HIVEP3: variants seen among roughly 807,000 people sequenced by gnomAD.
HIVEP3 encodes transcription factor HIVEP3.
A neutral mutation model predicts 152.8 loss-of-function variants in HIVEP3; 49 were observed. The observed-to-expected ratio is 0.32, with a 90% CI of 0.26 to 0.41. The LOEUF is 0.41. HIVEP3 is among the 10% of genes least tolerant of loss of function. The pLI, the probability that HIVEP3 is intolerant of heterozygous loss-of-function variation, is 1.00. For synonymous variants in HIVEP3, 1,269 were observed against 1,289.0 expected, an observed-to-expected ratio of 0.98 and a Z score of 0.33; for missense variants, 2,790 against 3,103.3, an observed-to-expected ratio of 0.90 and a Z score of 2.40.
intron 1 of HIVEP3, among the ~76,000 whole-genome samples, chr1:41,773,909 T>C (rs1648528982): frequency 6.6e-6 from 1 of 152,208 alleles, no homozygotes; most frequent in Admixed American, 6.5e-5. Flanking sequence ...GAAGGACAAG[T>C]CTTTGTGAAT....
chr1:41,902,470 C>T (rs1259057243), intron 1 of HIVEP3, among the ~76,000 whole-genome samples: 1 of 152,144 alleles, frequency 6.6e-6, no homozygotes, highest in Non-Finnish European at 1.5e-5. Context: ...ACCCCCACCC[C>T]CCACTGCCAG....
intron 5 of HIVEP3, among the ~76,000 whole-genome samples, chr1:41,528,191 TCA>T (rs548952747): frequency 1.8e-3 from 131 of 74,076 alleles, no homozygotes; most frequent in African/African-American, 6.7e-3. Context: ...ACCCTCACCT[TCA>T]CACACCCCTG....
Position 41,539,913 on chromosome 1 carries a change from G to A in HIVEP3, c.5208-15003C>T, listed in dbSNP as rs374794437. ...AGGCACTTTTTACAGAAATTATATC[G>A]TAGAAACCTTGGTACAATTCTATGA... On this transcript the variant is annotated intron_variant, in intron 5 of 8. Transcript: ENST00000372583. 2.4e-4 allele frequency among the ~76,000 whole-genome samples: 37 copies of A among 152,292 alleles called. No individual in the cohort carries two copies. The East Asian group carries it at 4.2e-3, about 17-fold the overall frequency.
intron 1 of HIVEP3, among the ~76,000 whole-genome samples, chr1:41,989,083 T>C (rs979125393): frequency 6.6e-5 from 10 of 152,104 alleles, no homozygotes; most frequent in Non-Finnish European, 8.8e-5. Context: ...GTTGGAGAGA[T>C]GCTGGTGAAA....
At position 41,513,375 on chromosome 1, in the gene HIVEP3, G is replaced by A; in HGVS notation, c.5846C>T (p.Ser1949Phe). The change falls in exon 8 of 9, where the codon TCT becomes TTT. Residue 1949 changes from serine (S) to phenylalanine (F), a missense_variant. This residue lies in a region of HIVEP3 where 816 missense variants were observed against 806.5 expected (regional missense o/e 1.01). Transcript: ENST00000372583. ...GGCTGAGCCTGTGTCTTTCTCCACA[G>A]AGCCCAGAGGGGCCGGTCCCAGCCA... Reference protein sequence around the residue: ...LPWLGPAPLGSVEKDTGSALS... With the variant: ...LPWLGPAPLGFVEKDTGSALS... 1 of 1,611,596 alleles carries A rather than the reference G, an allele frequency of 6.2e-7. No homozygotes were observed. Among genetic ancestry groups the A allele is most frequent in the Non-Finnish European group, 8.5e-7 (1 of 1,178,988 alleles).
chr1:41,535,355 A>C (rs549683111), intron 5 of HIVEP3: 1 of 152,308 alleles, frequency 6.6e-6, no homozygotes, highest in East Asian at 1.9e-4. Flanking sequence ...CCGGAACACC[A>C]TGATGGGGGT....
intron 1 of HIVEP3, among the ~76,000 whole-genome samples, chr1:41,761,031 G>T (rs954755082): frequency 6.6e-6 from 1 of 152,226 alleles, no homozygotes; most frequent in African/African-American, 2.4e-5. Context: ...AGTGTACATT[G>T]CCAGACATGG....
At chr1:41,757,382 G>C (rs1277019746) in intron 1 of HIVEP3, among the ~76,000 whole-genome samples, 1 of 151,966 alleles carries the variant, frequency 6.6e-6, no homozygotes, top group Non-Finnish European at 1.5e-5. Context: ...CTCCCAAAGT[G>C]CTGGGATTAC....
intron 1 of HIVEP3, among the ~76,000 whole-genome samples, chr1:41,905,099 T>C (rs1194257113): frequency 6.6e-6 from 1 of 152,178 alleles, no homozygotes; most frequent in Non-Finnish European, 1.5e-5. Flanking sequence ...AGAGTGTAGG[T>C]GGGGCCTCTC....
chr1:41,816,520 C>T (rs1050757964), intron 1 of HIVEP3, among the ~76,000 whole-genome samples: 1 of 152,070 alleles, frequency 6.6e-6, no homozygotes, highest in Non-Finnish European at 1.5e-5. Flanking sequence ...AACCCCATCT[C>T]TACCAAAAAT....
chr1:41,939,560 T>G (rs1173149795), intron 1 of HIVEP3, among the ~76,000 whole-genome samples: 1 of 152,218 alleles, frequency 6.6e-6, no homozygotes, highest in Non-Finnish European at 1.5e-5. Flanking sequence ...TCTTTGCTGG[T>G]AAGACGAGGG....
Position 41,583,924 on chromosome 1 carries a change from A to C in HIVEP3, c.874T>G (p.Ser292Ala). 1 of 1,614,054 alleles carries C rather than the reference A, an allele frequency of 6.2e-7. No individual in the cohort carries two copies. Residue 292 changes from serine to alanine, a missense_variant, in exon 4 of 9, where the codon TCT (serine) becomes GCT (alanine). This residue lies in a region of HIVEP3 where 125 missense variants were observed against 130.1 expected (regional missense o/e 0.96). Transcript: ENST00000372583. This position sits in a 1 kb window ranked among gnomAD's most constrained non-coding sequence, Gnocchi z 6.9. ...GGGGAGAGCTCTGCAGGGTGACCAGAGGTGGCACTAGTCTCCTCTTCAGAA... is the reference window on the plus strand; with the variant it reads ...GGGGAGAGCTCTGCAGGGTGACCAGCGGTGGCACTAGTCTCCTCTTCAGAA... ...TDSEEETSAT[S>A]GHPAELSPRP... is the part of the protein sequence containing the mutation.
chr1:41,719,326 G>T (rs548046783), intron 1 of HIVEP3, among the ~76,000 whole-genome samples: 4 of 152,274 alleles, frequency 2.6e-5, no homozygotes, highest in Non-Finnish European at 5.9e-5. Flanking sequence ...TTACAGGTTA[G>T]ATGGAAGTGA....
In HIVEP3 at chr1:41,582,014, C is replaced by G. The variant is rs372580357; in HGVS notation, c.2784G>C (p.Leu928=). The change falls in exon 4 of 9, where the codon CTG becomes CTC. Residue 928 remains leucine (L), a synonymous_variant. Transcript: ENST00000372583. This position sits in a 1 kb window ranked among gnomAD's most constrained non-coding sequence, Gnocchi z 4.7. ...TGCTTTCCTGGCTCGGGCTGCGAGA[C>G]AGAGGCACAGAGGACTCGAAGCTGG... ...GESSFESSVP[L]SRSPSQESNV... is the part of the protein sequence containing the mutation. 1.2e-6 allele frequency: 2 copies of G among 1,614,042 alleles called. No individual in the cohort carries two copies. Among genetic ancestry groups the G allele is most frequent in the African/African-American group, 2.7e-5 (2 of 74,914 alleles).
At chr1:41,934,107 A>C (rs1645008472) in intron 1 of HIVEP3, among the ~76,000 whole-genome samples, 1 of 152,150 alleles carries the variant, frequency 6.6e-6, no homozygotes, top group Non-Finnish European at 1.5e-5. Flanking sequence ...CTCTCACAGC[A>C]GTTTCTTTTC....
chr1:41,794,644 C>A (rs1570554435), intron 1 of HIVEP3, among the ~76,000 whole-genome samples: 1 of 152,178 alleles, frequency 6.6e-6, no homozygotes, highest in East Asian at 1.9e-4. Context: ...TTAAAAACTG[C>A]CATTTTGATA....
intron 5 of HIVEP3, among the ~76,000 whole-genome samples, chr1:41,548,031 C>A (rs1448182772): frequency 6.6e-6 from 1 of 152,178 alleles, no homozygotes; most frequent in Non-Finnish European, 1.5e-5. Context: ...CCTCCCTCCC[C>A]TTCCATCCCC....
At chr1:41,769,776 A>C (rs1356408706) in intron 1 of HIVEP3, among the ~76,000 whole-genome samples, 1 of 152,244 alleles carries the variant, frequency 6.6e-6, no homozygotes, top group Non-Finnish European at 1.5e-5. Flanking sequence ...CTTTGGGTCA[A>C]TACTAATGTA....
At chr1:41,806,109 G>A (rs924255063) in intron 1 of HIVEP3, among the ~76,000 whole-genome samples, 4 of 152,136 alleles carry the variant, frequency 2.6e-5, no homozygotes, top group Admixed American at 2.0e-4. Flanking sequence ...GGCCCCCAGA[G>A]CCTGCCCTCT....
Sources: allele counts gnomAD v4.1 joint callset (sites outside exome capture counted in the v4.1 genomes callset), GRCh38; gene constraint gnomAD v4.1.1; regional missense constraint gnomAD v4.1.1; non-coding constraint Gnocchi (gnomAD v3.1); transcripts MANE v1.5; gene names NCBI Gene and HGNC (gene_info 2026-07-23, HGNC 2026-07-21).